ADGRF1: variants seen among roughly 807,000 people sequenced by gnomAD.
ADGRF1 encodes G protein-coupled receptor 110.
ADGRF1 carries 85 observed loss-of-function variants against 87.2 expected under a neutral mutation model. The ratio of observed to expected loss-of-function variants is 0.97; its 90% confidence interval spans 0.82 to 1.17. ADGRF1 has a LOEUF of 1.17. ADGRF1 is among the 50% of genes most tolerant of loss of function. The pLI is 0.00. For synonymous variants in ADGRF1, 430 were observed against 408.8 expected (o/e 1.05, Z -0.63); for missense variants, 1,169 against 1,077.2 (o/e 1.09, Z -1.19).
chr6:47,012,474 G>A (rs1338145989), intron 9 of ADGRF1: 2 of 509,852 alleles, frequency 3.9e-6, no homozygotes, highest in African/African-American at 4.0e-5. Context: ...ATCCTTTGAG[G>A]GAGGTGCCAT....
intron 1 of ADGRF1, among the ~76,000 whole-genome samples, chr6:47,031,106 C>A (rs1230465121): frequency 1.3e-5 from 2 of 152,124 alleles, no homozygotes; most frequent in Non-Finnish European, 2.9e-5. Flanking sequence ...ATTTGAATTC[C>A]CAGGAACTAT....
chr6:47,017,824 C>A (rs1472641978), intron 7 of ADGRF1: 1 of 152,272 alleles, frequency 6.6e-6, no homozygotes, highest in Admixed American at 6.5e-5. Context: ...GGCTGGAAAG[C>A]AACACAAGAG....
intron 8 of ADGRF1, among the ~76,000 whole-genome samples, chr6:47,016,230 GTGTC>G (rs1373028148): frequency 4.6e-5 from 7 of 152,242 alleles, no homozygotes; most frequent in East Asian, 3.9e-4. Flanking sequence ...GTGTGTGTGC[GTGTC>G]TGTCTGTCTG....
intron 7 of ADGRF1, 133 bp downstream of exon 7, chr6:47,020,598 T>G (rs890952024): frequency 1.3e-6 from 2 of 1,530,792 alleles, no homozygotes; most frequent in Non-Finnish European, 1.8e-6. Context: ...CCTTGTTCAC[T>G]TAGTAAAAAT....
rs113930609 is a variant in ADGRF1 at position 47,024,117 on chromosome 6, C to T, written c.378G>A (p.Thr126=). The T allele has an allele frequency of 6.8e-6, 11 of 1,613,900 alleles. No homozygotes were observed. Among genetic ancestry groups the T allele is most frequent in the African/African-American group, 4.0e-5 (3 of 74,916 alleles). The part of the protein sequence containing the change: ...CLDPQNCYLH[T]AGALPSCECH... ...ATTCACAGCTTGGGAGTGCTCCAGC[C>T]GTGTGAAGGTAGCAGTTCTGGGGAT... The change falls in exon 5 of 15, where the codon ACG becomes ACA. Residue 126 remains threonine (T), a synonymous_variant. Transcript: ENST00000371253.
At chr6:47,033,903 T>A (rs12523950) in intron 1 of ADGRF1, among the ~76,000 whole-genome samples, 43,757 of 152,160 alleles carry the variant, frequency 0.29, 7,433 homozygotes, top group South Asian at 0.45. Context: ...GGAAAAATGG[T>A]TGGAGGTTTG....
rs767654604 is a variant in ADGRF1 at position 47,016,750 on chromosome 6, A to C, written c.630T>G (p.Ala210=). 2.5e-6 allele frequency: 4 copies of C among 1,587,254 alleles called. No individual in the cohort carries two copies. The highest frequency in any genetic ancestry group is 3.4e-6 in the Non-Finnish European group (4 of 1,162,772). The part of the protein sequence containing the change: ...VTQFRNGSIV[A]GYEVVGSSSA... ...TGCTGGAGCCAACAACTTCATACCC[A>C]GCAACGATGCTTCCATTTCTGCAGT... Residue 210 remains alanine (A), a synonymous_variant, in exon 8 of 15, where the codon GCT becomes GCG. Coordinates refer to ENST00000371253, the MANE Select transcript of ADGRF1 (RefSeq NM_153840.4).
intron 12 of ADGRF1, among the ~76,000 whole-genome samples, chr6:47,006,099 T>C (rs1186469572): frequency 1.3e-5 from 2 of 152,204 alleles, no homozygotes; most frequent in African/African-American, 4.8e-5. Context: ...GCCATACTCA[T>C]TCCAATTTTA....
intron 14 of ADGRF1, 23 bp downstream of exon 14, chr6:47,001,478 C>A: frequency 6.2e-7 from 1 of 1,603,982 alleles, no homozygotes; most frequent in Non-Finnish European, 8.5e-7. Flanking sequence ...CCTTTTATAA[C>A]CTTTGGTTTT....
chr6:47,014,110 C>G (rs1779788811), intron 9 of ADGRF1: 1 of 233,730 alleles, frequency 4.3e-6, no homozygotes, highest in Non-Finnish European at 7.0e-6. Flanking sequence ...ATCAAGTGAC[C>G]ATGCTTCTAA....
At chr6:47,013,534 G>C (rs1467345315) in intron 9 of ADGRF1, 1 of 985,330 alleles carries the variant, frequency 1.0e-6, no homozygotes, top group African/African-American at 1.7e-5. Flanking sequence ...TCTGTGAACT[G>C]GTCTTGGGGT....
At chr6:47,015,825 T>A (rs1470336426) in intron 8 of ADGRF1, among the ~76,000 whole-genome samples, 1 of 151,910 alleles carries the variant, frequency 6.6e-6, no homozygotes, top group Non-Finnish European at 1.5e-5. Context: ...CTCAAACTTC[T>A]GATCTCAGGC....
At chr6:47,030,233 C>T (rs759689840) in intron 1 of ADGRF1, among the ~76,000 whole-genome samples, 12 of 152,172 alleles carry the variant, frequency 7.9e-5, no homozygotes, top group African/African-American at 1.4e-4. Context: ...TCAGCAGAGA[C>T]CTTTTCTAGG....
chr6:47,038,186 T>C (rs753341698), intron 1 of ADGRF1, among the ~76,000 whole-genome samples: 1 of 152,178 alleles, frequency 6.6e-6, no homozygotes, highest in Non-Finnish European at 1.5e-5. Flanking sequence ...TATAAAAAGA[T>C]TGGAAAACAT....
rs755411622 is a variant in ADGRF1 at position 47,010,317 on chromosome 6, T to A, written c.1118A>T (p.Asp373Val). The A allele has an allele frequency of 1.4e-5, 23 of 1,591,398 alleles. No homozygotes were observed. The highest frequency in any genetic ancestry group is 2.0e-5 in the Non-Finnish European group (23 of 1,168,312). ...GATATTGTCAGCTATACTGATGACA[T>A]CCTGAAACACAAGGATGAGAGTCAG... ...HFRVSNSTME[D>V]VISIADNILN... is the part of the protein sequence containing the mutation. Residue 373 changes from aspartate to valine, a missense_variant and splice_region_variant, in exon 11 of 15, where the codon GAT becomes GTT. Coordinates refer to ENST00000371253, the MANE Select transcript of ADGRF1 (RefSeq NM_153840.4).
At chr6:47,027,576 C>T in intron 3 of ADGRF1, 128 bp downstream of exon 3, 1 of 636,198 alleles carries the variant, frequency 1.6e-6, no homozygotes, top group South Asian at 2.1e-5. Flanking sequence ...TGTCATTCTC[C>T]TTGTACATAT....
In ADGRF1 at chr6:47,021,993, T is replaced by G; in HGVS notation, c.517A>C (p.Ile173Leu). 6.3e-7 allele frequency: 1 copy of G among 1,592,742 alleles called. No individual in the cohort carries two copies. Among genetic ancestry groups the G allele is most frequent in the Non-Finnish European group, 8.5e-7 (1 of 1,170,054 alleles). Residue 173 changes from isoleucine (I) to leucine (L), a missense_variant, in exon 6 of 15, where the codon ATA becomes CTA. Ile to Leu is a conservative substitution (Grantham distance 5, BLOSUM62 2). Coordinates refer to ENST00000371253, the MANE Select transcript of ADGRF1 (RefSeq NM_153840.4). The stretch of plus-strand genomic sequence containing the variant: ...ATTCCATTTGCATATTTGGAGTATA[T>G]AGCAGAAGATGAATTCAAAAGGTCA... Reference protein sequence around the residue: ...TNDLLNSSSAIYSKYANGIEI... With the variant: ...TNDLLNSSSALYSKYANGIEI...
At position 47,028,992 on chromosome 6, in the gene ADGRF1, C is replaced by G. The variant is rs749241238; in HGVS notation, c.69+1G>C. On this transcript the variant is annotated splice_donor_variant, in intron 2 of 14. Coordinates refer to ENST00000371253, the MANE Select transcript of ADGRF1 (RefSeq NM_153840.4). LOFTEE classifies it high-confidence loss of function. ...AGATATGAGACATAGCACCAACTCA[C>G]CCCCAGGAAGCCACCGTGGCCGTCA... The G allele has an allele frequency of 1.2e-6, 2 of 1,612,976 alleles. No homozygotes were observed. The highest frequency in any genetic ancestry group is 3.3e-5 in the Admixed American group (2 of 59,984).
At chr6:47,021,793 G>A (rs4714982) in intron 6 of ADGRF1, among the ~76,000 whole-genome samples, 165 bp downstream of exon 6, 4,931 of 152,270 alleles carry the variant, frequency 0.032, 246 homozygotes, top group East Asian at 0.2. Context: ...CTAGAAAGAA[G>A]ATACTCAGGG....
Sources: gnomAD v4.1 joint callset for allele counts (sites outside exome capture counted in the v4.1 genomes callset) on GRCh38, gnomAD v4.1.1 for gene constraint, MANE v1.5 for transcripts, NCBI Gene and HGNC (gene_info 2026-07-23, HGNC 2026-07-21) for gene names.